The following AGBL1 variants were observed in gnomAD, a reference collection of about 807,000 sequenced individuals.
AGBL1 encodes cytosolic carboxypeptidase 4.
A neutral mutation model predicts 118.9 loss-of-function variants in AGBL1; 130 were observed. The observed-to-expected ratio is 1.09, with a 90% CI of 0.95 to 1.26. The LOEUF (loss-of-function observed/expected upper bound fraction) is 1.26, where lower values mean the gene tolerates loss of function less well. Among genes scored for constraint, AGBL1 ranks in the 50% most tolerant of loss-of-function variants. The pLI, the probability that AGBL1 is intolerant of heterozygous loss-of-function variation, is 0.00. For synonymous variants in AGBL1, 555 were observed against 478.9 expected (o/e 1.16, Z -2.08); for missense variants, 1,584 against 1,298.1 (o/e 1.22, Z -3.38).
At chr15:86,651,197 G>A (rs2085362715) in intron 21 of AGBL1, among the ~76,000 whole-genome samples, 1 of 152,108 alleles carries the variant, frequency 6.6e-6, no homozygotes, top group Non-Finnish European at 1.5e-5. Context: ...CTATCATGGT[G>A]AGGCCCAGGA....
intron 22 of AGBL1, among the ~76,000 whole-genome samples, chr15:86,862,550 C>T (rs1275447935): frequency 2.6e-5 from 4 of 151,990 alleles, no homozygotes; most frequent in African/African-American, 7.3e-5. Flanking sequence ...TGGAAACCCA[C>T]CTCTACTAAT....
chr15:86,135,334 C>T (rs2076875066), intron 1 of AGBL1, among the ~76,000 whole-genome samples: 3 of 152,222 alleles, frequency 2.0e-5, no homozygotes. Context: ...GTACAGCCTG[C>T]AGAACGTGAG....
intron 15 of AGBL1, among the ~76,000 whole-genome samples, chr15:86,279,212 A>C (rs780613272): frequency 6.6e-6 from 1 of 152,232 alleles, no homozygotes; most frequent in Non-Finnish European, 1.5e-5. Flanking sequence ...GCGGAAAGGA[A>C]GGAGTTGAAT....
intron 22 of AGBL1, among the ~76,000 whole-genome samples, chr15:86,746,217 C>T (rs1391574567): frequency 2.0e-5 from 3 of 152,144 alleles, no homozygotes; most frequent in African/African-American, 7.2e-5. Context: ...TCCGCACATC[C>T]TTCTTCACAT....
intron 5 of AGBL1, among the ~76,000 whole-genome samples, chr15:86,211,218 A>G (rs1184882350): frequency 6.6e-6 from 1 of 152,194 alleles, no homozygotes; most frequent in Non-Finnish European, 1.5e-5. Flanking sequence ...ACTTTGTCCC[A>G]TAGGGGCACC....
chr15:86,546,841 G>T (rs969448835), intron 20 of AGBL1, among the ~76,000 whole-genome samples: 4 of 152,136 alleles, frequency 2.6e-5, no homozygotes, highest in Admixed American at 6.5e-5. Context: ...AAGCAAAGTT[G>T]CCCAAACACT....
intron 17 of AGBL1, among the ~76,000 whole-genome samples, chr15:86,340,610 G>A (rs139529321): frequency 5.3e-5 from 8 of 152,302 alleles, no homozygotes; most frequent in Middle Eastern, 3.4e-3. Flanking sequence ...CTGAAAGCAC[G>A]TTGATTTTGA....
At chr15:86,801,850 T>A (rs2078654404) in intron 22 of AGBL1, among the ~76,000 whole-genome samples, 1 of 152,084 alleles carries the variant, frequency 6.6e-6, no homozygotes, top group African/African-American at 2.4e-5. Context: ...ACATGTGCCC[T>A]CTGGAGAGAG....
chr15:86,626,205 T>A (rs1437401982), intron 21 of AGBL1, among the ~76,000 whole-genome samples: 2 of 152,176 alleles, frequency 1.3e-5, no homozygotes, highest in Non-Finnish European at 2.9e-5. Flanking sequence ...GACACATGCA[T>A]ACGTGTGTTC....
chr15:87,014,850 T>G (rs1455359220), intron 24 of AGBL1, among the ~76,000 whole-genome samples: 7 of 152,138 alleles, frequency 4.6e-5, no homozygotes, highest in Admixed American at 4.6e-4. Context: ...TCTGTAGCCA[T>G]GCTTGATGAT....
intron 24 of AGBL1, among the ~76,000 whole-genome samples, chr15:87,028,386 G>A (rs906896378): frequency 1.3e-5 from 2 of 151,868 alleles, no homozygotes; most frequent in Non-Finnish European, 2.9e-5. Flanking sequence ...TAAGTCAGTT[G>A]AATTAAATTT....
chr15:87,025,307 C>T (rs866658223), intron 24 of AGBL1, among the ~76,000 whole-genome samples: 20 of 152,084 alleles, frequency 1.3e-4, no homozygotes, highest in Admixed American at 3.3e-4. Flanking sequence ...TTAATGTACA[C>T]AAATCAGTAG....
chr15:86,286,186 A>G (rs1318977816), intron 16 of AGBL1, among the ~76,000 whole-genome samples: 1 of 151,842 alleles, frequency 6.6e-6, no homozygotes, highest in Admixed American at 6.6e-5. Flanking sequence ...TTAATTGACA[A>G]ATAATACTTG....
intron 21 of AGBL1, among the ~76,000 whole-genome samples, chr15:86,576,478 A>G (rs1345043890): frequency 6.6e-6 from 1 of 152,224 alleles, no homozygotes; most frequent in Non-Finnish European, 1.5e-5. Flanking sequence ...TTATTTGAAC[A>G]TGGTTTGAAC....
chr15:86,809,752 C>T (rs553450611), intron 22 of AGBL1, among the ~76,000 whole-genome samples: 5 of 151,984 alleles, frequency 3.3e-5, no homozygotes, highest in African/African-American at 1.2e-4. Flanking sequence ...ATTTAAGAAC[C>T]CATTCATCTA....
At chr15:86,822,264 G>T (rs2078952102) in intron 22 of AGBL1, among the ~76,000 whole-genome samples, 1 of 152,150 alleles carries the variant, frequency 6.6e-6, no homozygotes, top group Non-Finnish European at 1.5e-5. Flanking sequence ...ACACATGATA[G>T]CCACCACAAT....
intron 5 of AGBL1, among the ~76,000 whole-genome samples, chr15:86,214,311 TA>T (rs2078149709): frequency 1.3e-5 from 2 of 152,240 alleles, no homozygotes; most frequent in African/African-American, 4.8e-5. Context: ...ATATCATAGG[TA>T]CATTTGACTT....
rs151010588 is a variant in AGBL1, at chr15:86,620,760, C to G, written c.2995-53513C>G. ...AAAAAGGGACTTTGCAACCTGCCAGCTATGTGATTTTTCCACCTCTGAAAG... is the reference window on the plus strand; with the variant it reads ...AAAAAGGGACTTTGCAACCTGCCAGGTATGTGATTTTTCCACCTCTGAAAG... On this transcript the variant is annotated intron_variant, in intron 21 of 22. Transcript: ENST00000614907. 1.8e-4 allele frequency among the ~76,000 whole-genome samples: 28 copies of G among 152,158 alleles called. No individual in the cohort carries two copies. The East Asian group carries it at 5.0e-3, about 27-fold the overall frequency.
At chr15:86,279,330 C>G (rs570242708) in intron 15 of AGBL1, among the ~76,000 whole-genome samples, 1 of 152,082 alleles carries the variant, frequency 6.6e-6, no homozygotes, top group Non-Finnish European at 1.5e-5. Context: ...AGATTTTCCT[C>G]GATGTTCTAG....
Sources: gnomAD v4.1 joint callset for allele counts (sites outside exome capture counted in the v4.1 genomes callset) on GRCh38, gnomAD v4.1.1 for gene constraint, MANE v1.5 for transcripts, NCBI Gene and HGNC (gene_info 2026-07-23, HGNC 2026-07-21) for gene names.